Variants in GPM6A observed in about 807,000 individuals in gnomAD.
GPM6A encodes the protein neuronal membrane glycoprotein M6-a.
In GPM6A, 7 loss-of-function variants were observed where a neutral mutation model predicts 32.1. The observed-to-expected ratio is 0.22, with a 90% CI of 0.12 to 0.41. GPM6A has a LOEUF of 0.41. Among genes scored for constraint, GPM6A ranks in the 10% least tolerant of loss-of-function variants. The pLI, the probability that GPM6A is intolerant of heterozygous loss-of-function variation, is 1.00. For missense variants in GPM6A, 235 were observed against 347.2 expected, an observed-to-expected ratio of 0.68 and a Z score of 2.57; for synonymous variants, 130 against 123.4, an observed-to-expected ratio of 1.05 and a Z score of -0.35.
Position 175,655,208 on chromosome 4 carries a change from A to T in GPM6A, c.388-3221T>A, listed in dbSNP as rs143537968. Among the ~76,000 whole-genome samples the T allele has an allele frequency of 5.1e-3, 780 of 152,252 alleles. 11 individuals are homozygous for T. The highest frequency in any genetic ancestry group is 0.02 in the Middle Eastern group (6 of 294). ...AAAATATTTTCATTACTATTAATGC[A>T]TAAGTTTTGTTCTAGAAAAATGCAA... On this transcript the variant is annotated intron_variant, in intron 3 of 6. Coordinates refer to ENST00000393658, the MANE Select transcript of GPM6A (RefSeq NM_201591.3).
intron 1 of GPM6A, among the ~76,000 whole-genome samples, chr4:175,783,754 T>G (rs1733695512): frequency 7.7e-6 from 1 of 129,062 alleles, no homozygotes; most frequent in African/African-American, 2.5e-5. Flanking sequence ...TCACAATATT[T>G]ACAGACAAAA....
chr4:175,888,858 A>G (rs556410307), intron 1 of GPM6A, among the ~76,000 whole-genome samples: 20 of 152,306 alleles, frequency 1.3e-4, no homozygotes, highest in African/African-American at 4.8e-4. Context: ...ATACGGTAAC[A>G]TAAAGATCTA....
At chr4:175,666,070 C>A (rs1259996986) in intron 3 of GPM6A, among the ~76,000 whole-genome samples, 2 of 151,672 alleles carry the variant, frequency 1.3e-5, no homozygotes, top group Non-Finnish European at 2.9e-5. Context: ...AGGTGCCCAC[C>A]ACCACGCCTG....
intron 1 of GPM6A, among the ~76,000 whole-genome samples, chr4:175,945,548 G>A (rs539245517): frequency 1.6e-4 from 23 of 146,460 alleles, no homozygotes; most frequent in African/African-American, 5.7e-4. Context: ...TAAGTAATAC[G>A]CACCCATATT....
intron 2 of GPM6A, among the ~76,000 whole-genome samples, chr4:175,696,048 G>C (rs765438940): frequency 4.6e-5 from 7 of 151,994 alleles, no homozygotes; most frequent in Non-Finnish European, 1.0e-4. Context: ...CATGAAAGTA[G>C]GTATTAAAAC....
chr4:175,813,187 G>A (rs1291418852), upstream of GPM6A: 1 of 542,426 alleles, frequency 1.8e-6, no homozygotes, highest in African/African-American at 2.0e-5. Flanking sequence ...TCTCTTGAAA[G>A]GGAATTTCTT....
intron 3 of GPM6A, among the ~76,000 whole-genome samples, chr4:175,652,921 T>C (rs1327626091): frequency 6.6e-6 from 1 of 152,134 alleles, no homozygotes; most frequent in Non-Finnish European, 1.5e-5. Context: ...CTGGAATAGA[T>C]TCACTAGTGC....
At chr4:175,640,496 A>ACTT (rs1741078846) in intron 5 of GPM6A, among the ~76,000 whole-genome samples, 2 of 152,122 alleles carry the variant, frequency 1.3e-5, no homozygotes, top group African/African-American at 4.8e-5. Flanking sequence ...TTTAAAAACA[A>ACTT]CTTCATCATG....
rs1489685409 is a variant in GPM6A, at chr4:175,636,630, T to A, written c.685-1573A>T. Among the ~76,000 whole-genome samples, 3 of 150,442 alleles carry A rather than the reference T, an allele frequency of 2.0e-5. No homozygotes were observed. In the East Asian group the frequency reaches 5.9e-4, roughly 29 times the overall value. The stretch of plus-strand genomic sequence containing the variant: ...GGCCAACATAGTGAAACCCCATCTC[T>A]ACTAAAAGTACAAAACGTAGCTGGG... On this transcript the variant is annotated intron_variant, in intron 6 of 6. Transcript: ENST00000393658.
intron 2 of GPM6A, among the ~76,000 whole-genome samples, chr4:175,676,287 G>A (rs1743363358): frequency 6.6e-6 from 1 of 152,142 alleles, no homozygotes; most frequent in Non-Finnish European, 1.5e-5. Flanking sequence ...GGATCTGCCA[G>A]CCTTGGCCTC....
chr4:175,635,167 C>G, intron 6 of GPM6A, 110 bp from the exon 7 acceptor site: 1 of 782,960 alleles, frequency 1.3e-6, no homozygotes, highest in East Asian at 2.7e-5. Context: ...GAAATGTTCA[C>G]ATATAAAATG....
chr4:175,813,834 A>G (rs958421132), upstream of GPM6A, among the ~76,000 whole-genome samples: 1 of 152,240 alleles, frequency 6.6e-6, no homozygotes, highest in Admixed American at 6.5e-5. Context: ...TCTTACTTGT[A>G]TAATCATTTG....
intron 2 of GPM6A, among the ~76,000 whole-genome samples, chr4:175,691,101 A>G (rs1034756060): frequency 3.3e-5 from 5 of 152,228 alleles, no homozygotes; most frequent in Admixed American, 2.6e-4. Flanking sequence ...AAGTTAATAG[A>G]ATACATAACT....
At chr4:175,687,677 T>C (rs1210225441) in intron 2 of GPM6A, among the ~76,000 whole-genome samples, 1 of 152,164 alleles carries the variant, frequency 6.6e-6, no homozygotes, top group Non-Finnish European at 1.5e-5. Flanking sequence ...ATGAACTCTT[T>C]TGTATTAATA....
At chr4:175,925,519 C>T (rs1378033804) in intron 1 of GPM6A, among the ~76,000 whole-genome samples, 1 of 152,146 alleles carries the variant, frequency 6.6e-6, no homozygotes, top group Non-Finnish European at 1.5e-5. Context: ...CTCTTACAAG[C>T]TCATTCTGCT....
intron 1 of GPM6A, among the ~76,000 whole-genome samples, chr4:175,983,092 A>G (rs905901680): frequency 7.9e-5 from 12 of 152,166 alleles, no homozygotes; most frequent in African/African-American, 2.9e-4. Context: ...TAAATAATAA[A>G]TCAATATAGC....
chr4:175,637,117 T>C (rs1443101121), intron 6 of GPM6A, among the ~76,000 whole-genome samples: 11 of 125,466 alleles, frequency 8.8e-5, no homozygotes, highest in African/African-American at 2.4e-4. Context: ...TTATATGTGA[T>C]ATATAATATA....
chr4:175,675,302 T>G (rs202235676), intron 2 of GPM6A, among the ~76,000 whole-genome samples: 1 of 151,434 alleles, frequency 6.6e-6, no homozygotes, highest in East Asian at 1.9e-4. Context: ...TTCAACGTAG[T>G]AAGAGTTGTA....
intron 4 of GPM6A, among the ~76,000 whole-genome samples, chr4:175,644,762 G>A (rs894779097): frequency 5.3e-5 from 8 of 152,068 alleles, no homozygotes; most frequent in African/African-American, 7.2e-5. Context: ...GCTGAAAGGT[G>A]CAGACTGATA....
Sources: gnomAD v4.1 joint callset for allele counts (sites outside exome capture counted in the v4.1 genomes callset) on GRCh38, gnomAD v4.1.1 for gene constraint, MANE v1.5 for transcripts, NCBI Gene and HGNC (gene_info 2026-07-23, HGNC 2026-07-21) for gene names.